The following LEKR1 variants were observed in gnomAD, a reference collection of about 807,000 sequenced individuals.
LEKR1 encodes leucine, glutamate and lysine rich 1, also known as protein LEKR1.
LEKR1 carries 59 observed loss-of-function variants against 72.4 expected under a neutral mutation model. The observed-to-expected ratio is 0.82, with a 90% CI of 0.66 to 1.01. The LOEUF (loss-of-function observed/expected upper bound fraction) is 1.01, where lower values mean the gene tolerates loss of function less well. LEKR1 is among the 50% of genes least tolerant of loss of function. The probability of loss-of-function intolerance (pLI) is 0.00; values close to 1 mark genes in which losing one functional copy is unlikely to be tolerated. For synonymous variants in LEKR1, 257 were observed against 263.2 expected, an observed-to-expected ratio of 0.98 and a Z score of 0.23; for missense variants, 728 against 759.2, an observed-to-expected ratio of 0.96 and a Z score of 0.48.
intron 7 of LEKR1, among the ~76,000 whole-genome samples, chr3:156,981,052 T>C (rs1730154682): frequency 6.6e-6 from 1 of 152,218 alleles, no homozygotes; most frequent in South Asian, 2.1e-4. Flanking sequence ...CTTACCATTG[T>C]GTTACAATTA....
At chr3:156,930,460 G>T (rs993978968) in intron 5 of LEKR1, among the ~76,000 whole-genome samples, 1 of 151,904 alleles carries the variant, frequency 6.6e-6, no homozygotes, top group South Asian at 2.1e-4. Flanking sequence ...GTGGATAAAT[G>T]GATTCATTTT....
At chr3:156,991,605 G>A (rs890083170) in intron 7 of LEKR1, among the ~76,000 whole-genome samples, 2 of 151,974 alleles carry the variant, frequency 1.3e-5, no homozygotes, top group Non-Finnish European at 2.9e-5. Context: ...TTTGAGTATT[G>A]TTACAAAACC....
chr3:156,839,525 AAG>A lies in LEKR1; in HGVS notation c.48+10152_48+10153del, dbSNP rs556896430. On this transcript the variant is annotated intron_variant, in intron 2 of 12. Coordinates refer to ENST00000356539, the MANE Select transcript of LEKR1 (RefSeq NM_001004316.3). ...ATGGAGCCAATAAAGGAAATTATAA[AAG>A]AGATTGTGGATATGGCAAAAAAGGT... is the stretch of plus-strand genomic sequence containing the variant. Among the ~76,000 whole-genome samples the A allele has an allele frequency of 2.6e-4, 39 of 152,364 alleles. 2 individuals are homozygous for A. The South Asian group carries it at 8.1e-3, about 32-fold the overall frequency.
At chr3:156,858,233 T>C (rs1716309587) in intron 3 of LEKR1, among the ~76,000 whole-genome samples, 1 of 152,102 alleles carries the variant, frequency 6.6e-6, no homozygotes, top group Non-Finnish European at 1.5e-5. Context: ...TATTTGCGTT[T>C]GATTGAGAAA....
intron 3 of LEKR1, among the ~76,000 whole-genome samples, chr3:156,918,674 A>G (rs1393361998): frequency 2.0e-5 from 3 of 152,172 alleles, no homozygotes; most frequent in Non-Finnish European, 4.4e-5. Flanking sequence ...ATCTTAACTG[A>G]TATGTATCAC....
intron 6 of LEKR1, among the ~76,000 whole-genome samples, chr3:156,973,115 A>G (rs1198635569): frequency 6.6e-6 from 1 of 152,108 alleles, no homozygotes; most frequent in Admixed American, 6.6e-5. Context: ...TTTTAATCTT[A>G]GGCACTTAAT....
chr3:156,844,922 T>TTA (rs3060779), intron 2 of LEKR1, among the ~76,000 whole-genome samples: 2 of 151,320 alleles, frequency 1.3e-5, no homozygotes, highest in Non-Finnish European at 3.0e-5. Flanking sequence ...TTTTTTTTTT[T>TTA]AAAGACACTA....
At chr3:156,905,518 T>TA (rs1722443108) in intron 3 of LEKR1, among the ~76,000 whole-genome samples, 1 of 152,174 alleles carries the variant, frequency 6.6e-6, no homozygotes, top group Non-Finnish European at 1.5e-5. Context: ...ACTTGTGTGT[T>TA]AGTGACATTT....
At chr3:156,970,313 G>A (rs1398518837) in intron 6 of LEKR1, among the ~76,000 whole-genome samples, 2 of 152,148 alleles carry the variant, frequency 1.3e-5, no homozygotes, top group Admixed American at 6.5e-5. Flanking sequence ...ATTCAATTAG[G>A]AAAAGAGCTC....
intron 6 of LEKR1, among the ~76,000 whole-genome samples, chr3:156,969,749 G>A (rs558997522): frequency 6.8e-4 from 103 of 152,216 alleles, no homozygotes; most frequent in African/African-American, 2.4e-3. Flanking sequence ...AGCAAAAGAG[G>A]GAATCCTCCC....
intron 3 of LEKR1, among the ~76,000 whole-genome samples, chr3:156,886,151 G>A (rs1720043880): frequency 6.6e-6 from 1 of 151,984 alleles, no homozygotes; most frequent in African/African-American, 2.4e-5. Context: ...TGGGGGAGGG[G>A]GGTTCTCAGG....
At chr3:156,936,467 C>CACACACACACACACACA (rs767163001) in intron 5 of LEKR1, among the ~76,000 whole-genome samples, 722 of 70,116 alleles carry the variant, frequency 0.01, 11 homozygotes, top group African/African-American at 0.021. Context: ...ACACACACAC[C>CACACACACACACACACA]CCCCGTATGC....
intron 2 of LEKR1, among the ~76,000 whole-genome samples, chr3:156,841,464 T>C (rs1713895445): frequency 6.6e-6 from 1 of 152,160 alleles, no homozygotes; most frequent in South Asian, 2.1e-4. Context: ...AAAGCAAGAA[T>C]GGCAGGCAGC....
intron 12 of LEKR1, among the ~76,000 whole-genome samples, chr3:157,029,194 A>C (rs765429545): frequency 6.6e-6 from 1 of 152,212 alleles, no homozygotes; most frequent in Non-Finnish European, 1.5e-5. Flanking sequence ...TTAACAATTA[A>C]ATATGCCATG....
intron 10 of LEKR1, among the ~76,000 whole-genome samples, chr3:157,013,495 C>A (rs901099692): frequency 1.3e-5 from 2 of 152,078 alleles, no homozygotes; most frequent in African/African-American, 4.8e-5. Flanking sequence ...ATATAATATT[C>A]TATAAGTTCT....
chr3:156,910,771 C>T (rs755542716), intron 3 of LEKR1, among the ~76,000 whole-genome samples: 24 of 152,126 alleles, frequency 1.6e-4, no homozygotes, highest in Non-Finnish European at 3.2e-4. Context: ...AGGTTGATTC[C>T]GTGTCTTTGC....
intron 9 of LEKR1, among the ~76,000 whole-genome samples, chr3:156,993,939 G>C (rs1731340526): frequency 6.6e-6 from 1 of 151,858 alleles, no homozygotes; most frequent in South Asian, 2.1e-4. Context: ...CTGATATATA[G>C]CACAAATCTT....
At position 156,998,489 on chromosome 3, in the gene LEKR1, C is replaced by A. The variant is rs371404657; in HGVS notation, c.1109+5212C>A. Among the ~76,000 whole-genome samples, 23 of 152,200 alleles carry A rather than the reference C, an allele frequency of 1.5e-4. No individual in the cohort carries two copies. In the South Asian group the frequency reaches 3.9e-3, roughly 26 times the overall value. On this transcript the variant is annotated intron_variant, in intron 9 of 12. Coordinates refer to ENST00000356539, the MANE Select transcript of LEKR1 (RefSeq NM_001004316.3). Reference sequence around the variant, plus strand: ...TTCTTAGATGCTGTATTATCTTTATCTTGGTAAACTCCAAGAAAAAATACA... The same window carrying A: ...TTCTTAGATGCTGTATTATCTTTATATTGGTAAACTCCAAGAAAAAATACA...
chr3:156,849,638 A>G (rs1715086874), intron 2 of LEKR1, among the ~76,000 whole-genome samples: 1 of 152,254 alleles, frequency 6.6e-6, no homozygotes, highest in African/African-American at 2.4e-5. Flanking sequence ...GACAAACCTG[A>G]CAAAAACAAG....
Sources: allele counts gnomAD v4.1 joint callset (sites outside exome capture counted in the v4.1 genomes callset), GRCh38; gene constraint gnomAD v4.1.1; transcripts MANE v1.5; gene names NCBI Gene and HGNC (gene_info 2026-07-23, HGNC 2026-07-21).